Variants in RORA observed in about 807,000 individuals in gnomAD.
RORA encodes nuclear receptor ROR-alpha.
A neutral mutation model predicts 69.5 loss-of-function variants in RORA; 7 were observed. The observed-to-expected ratio is 0.10, with a 90% CI of 0.06 to 0.19. The LOEUF (loss-of-function observed/expected upper bound fraction) is 0.19, where lower values mean the gene tolerates loss of function less well. Among genes scored for constraint, RORA ranks in the 10% least tolerant of loss-of-function variants. The pLI is 1.00. For missense variants in RORA, 457 were observed against 663.0 expected (o/e 0.69, Z 3.41); for synonymous variants, 261 against 240.8 (o/e 1.08, Z -0.78).
At chr15:60,724,370 C>T (rs2071330992) in intron 1 of RORA, among the ~76,000 whole-genome samples, 1 of 152,054 alleles carries the variant, frequency 6.6e-6, no homozygotes, top group South Asian at 2.1e-4. Context: ...ATTATTATCC[C>T]TATCATAGTA....
chr15:60,939,922 G>C (rs1267617507), intron 1 of RORA, among the ~76,000 whole-genome samples: 1 of 152,150 alleles, frequency 6.6e-6, no homozygotes, highest in East Asian at 1.9e-4. Flanking sequence ...ATAAATATTG[G>C]ATACTGCATT....
chr15:60,611,302 C>G (rs2069079689), intron 2 of RORA, among the ~76,000 whole-genome samples: 1 of 151,952 alleles, frequency 6.6e-6, no homozygotes, highest in South Asian at 2.1e-4. Context: ...TCTTCTGTCT[C>G]TAACCCTTGG....
intron 1 of RORA, among the ~76,000 whole-genome samples, chr15:61,191,381 A>C (rs1477324402): frequency 4.2e-5 from 6 of 142,702 alleles, no homozygotes; most frequent in African/African-American, 1.5e-4. Flanking sequence ...AAAAAAAAAA[A>C]GAAAGAAATC....
intron 2 of RORA, among the ~76,000 whole-genome samples, chr15:60,539,822 G>A (rs4774367): frequency 1.6e-4 from 25 of 152,024 alleles, no homozygotes; most frequent in African/African-American, 6.0e-4. Context: ...CAAGGGCTAA[G>A]ATAAAGGTAA....
chr15:61,171,260 T>C (rs2079582516), intron 1 of RORA, among the ~76,000 whole-genome samples: 1 of 152,084 alleles, frequency 6.6e-6, no homozygotes, highest in Non-Finnish European at 1.5e-5. Flanking sequence ...GGGCACACGG[T>C]GGGTGGGCTA....
chr15:60,707,276 GCCC>G (rs1189374104), intron 1 of RORA, among the ~76,000 whole-genome samples: 9 of 152,156 alleles, frequency 5.9e-5, no homozygotes, highest in Admixed American at 5.9e-4. Context: ...ACTCTAGCTT[GCCC>G]CTCATACAAG....
chr15:60,519,750 A>C (rs2066096660), intron 3 of RORA, among the ~76,000 whole-genome samples: 1 of 152,180 alleles, frequency 6.6e-6, no homozygotes. Flanking sequence ...TCATGAGTCC[A>C]TCATTTTTCC....
At chr15:61,173,490 C>A (rs144140663) in intron 1 of RORA, among the ~76,000 whole-genome samples, 218 of 152,290 alleles carry the variant, frequency 1.4e-3, no homozygotes, top group African/African-American at 3.8e-3. Flanking sequence ...TTCATGGACC[C>A]CTAGCTGTCC....
At chr15:60,793,169 T>C (rs1333935721) in intron 1 of RORA, among the ~76,000 whole-genome samples, 1 of 152,216 alleles carries the variant, frequency 6.6e-6, no homozygotes, top group African/African-American at 2.4e-5. Flanking sequence ...ATCTCAAAAG[T>C]TCCTTTTGGC....
At chr15:60,770,758 G>T (rs1052395443) in intron 1 of RORA, among the ~76,000 whole-genome samples, 1 of 152,192 alleles carries the variant, frequency 6.6e-6, no homozygotes, top group African/African-American at 2.4e-5. Flanking sequence ...GAGTAGCTGA[G>T]ACTACGTGAA....
At chr15:60,530,288 A>G (rs1347943631) in intron 3 of RORA, 5 of 152,152 alleles carry the variant, frequency 3.3e-5, no homozygotes, top group Non-Finnish European at 7.3e-5. Flanking sequence ...TTGTTTTTTC[A>G]TTATTTTTAT....
At chr15:60,930,431 G>A (rs1892342121) in intron 1 of RORA, among the ~76,000 whole-genome samples, 1 of 152,150 alleles carries the variant, frequency 6.6e-6, no homozygotes, top group Non-Finnish European at 1.5e-5. Context: ...AGGCATCTTT[G>A]AGAATTACAT....
chr15:60,579,600 T>C (rs771924667), intron 2 of RORA, among the ~76,000 whole-genome samples: 6 of 152,230 alleles, frequency 3.9e-5, no homozygotes, highest in Admixed American at 6.5e-5. Flanking sequence ...GAGAAAACTA[T>C]TGAACTACCA....
chr15:60,532,215 A>C (rs1373242434), intron 2 of RORA, among the ~76,000 whole-genome samples: 2 of 152,236 alleles, frequency 1.3e-5, no homozygotes, highest in African/African-American at 2.4e-5. Flanking sequence ...TTTTTAAAAG[A>C]TCATAAATCT....
chr15:61,170,596 G>A (rs529375022), intron 1 of RORA, among the ~76,000 whole-genome samples: 8 of 152,256 alleles, frequency 5.3e-5, no homozygotes, highest in East Asian at 3.9e-4. Context: ...TATGGACTTC[G>A]CTATTTTGCC....
At chr15:61,155,432 G>T (rs2079433909) in intron 1 of RORA, among the ~76,000 whole-genome samples, 1 of 152,100 alleles carries the variant, frequency 6.6e-6, no homozygotes, top group South Asian at 2.1e-4. Flanking sequence ...TCCAACTCAA[G>T]AGAAAGCACC....
chr15:60,926,142 T>A (rs1892211566), intron 1 of RORA, among the ~76,000 whole-genome samples: 1 of 152,164 alleles, frequency 6.6e-6, no homozygotes, highest in Non-Finnish European at 1.5e-5. Context: ...CAGGTATACA[T>A]CTATGGTTTT....
intron 1 of RORA, among the ~76,000 whole-genome samples, chr15:60,866,366 A>G (rs1033781695): frequency 6.6e-6 from 1 of 152,230 alleles, no homozygotes; most frequent in Non-Finnish European, 1.5e-5. Flanking sequence ...GTGATTTATA[A>G]CAAGACATAT....
At chr15:61,042,835 T>C (rs1347919380) in intron 1 of RORA, among the ~76,000 whole-genome samples, 1 of 152,238 alleles carries the variant, frequency 6.6e-6, no homozygotes, top group Non-Finnish European at 1.5e-5. Context: ...AGTTTCTTCA[T>C]GGGCCATTTT....
Sources: allele counts gnomAD v4.1 joint callset (sites outside exome capture counted in the v4.1 genomes callset), GRCh38; gene constraint gnomAD v4.1.1; transcripts MANE v1.5; gene names NCBI Gene and HGNC (gene_info 2026-07-23, HGNC 2026-07-21).